TRAPPC10: variants seen among roughly 807,000 people sequenced by gnomAD.
TRAPPC10 encodes the protein trafficking protein particle complex subunit 10.
Under a neutral mutation model 125.5 loss-of-function variants are expected in TRAPPC10, and 23 were observed. The ratio of observed to expected loss-of-function variants is 0.18; its 90% CI spans 0.13 to 0.26. The LOEUF (loss-of-function observed/expected upper bound fraction) is 0.26. Among genes scored for constraint, TRAPPC10 ranks in the 10% least tolerant of loss-of-function variants. The probability of loss-of-function intolerance (pLI) is 1.00; values close to 1 mark genes in which losing one functional copy is unlikely to be tolerated. For synonymous variants in TRAPPC10, 509 were observed against 518.0 expected (o/e 0.98, Z 0.24); for missense variants, 1,123 against 1,308.4 (o/e 0.86, Z 2.19).
chr21:44,026,881 A>G (rs187790377), intron 1 of TRAPPC10, among the ~76,000 whole-genome samples: 26 of 152,294 alleles, frequency 1.7e-4, no homozygotes, highest in African/African-American at 5.8e-4. Context: ...CTCGTAGGCC[A>G]CAGCATTTCT....
intron 2 of TRAPPC10, among the ~76,000 whole-genome samples, chr21:44,036,755 C>T (rs1205897065): frequency 6.6e-6 from 1 of 152,078 alleles, no homozygotes; most frequent in Non-Finnish European, 1.5e-5. Context: ...GTTAAGGTGT[C>T]ACTTTTTAAA....
chr21:44,033,513 GA>G (rs1000661995), intron 2 of TRAPPC10, among the ~76,000 whole-genome samples: 2 of 150,236 alleles, frequency 1.3e-5, no homozygotes, highest in African/African-American at 2.4e-5. Context: ...TAGATAAAGG[GA>G]AAAAAAAAGT....
chr21:44,052,543 G>A (rs1270217813), intron 4 of TRAPPC10, 67 bp downstream of exon 4: 7 of 1,431,376 alleles, frequency 4.9e-6, no homozygotes, highest in Non-Finnish European at 5.7e-6. Flanking sequence ...CTGGCTTCCT[G>A]GGTAGTAATA....
At chr21:44,017,631 A>G (rs1638814843) in intron 1 of TRAPPC10, among the ~76,000 whole-genome samples, 1 of 152,162 alleles carries the variant, frequency 6.6e-6, no homozygotes, top group African/African-American at 2.4e-5. Flanking sequence ...AAATATTTTC[A>G]TCATTCTTCC....
At chr21:44,066,156 T>C (rs2036436392) in intron 7 of TRAPPC10, among the ~76,000 whole-genome samples, 1 of 152,222 alleles carries the variant, frequency 6.6e-6, no homozygotes, top group Admixed American at 6.5e-5. Context: ...GGGTGGCTTA[T>C]AAAACATGTC....
At chr21:44,066,474 A>G (rs2036458994) in intron 7 of TRAPPC10, among the ~76,000 whole-genome samples, 1 of 152,214 alleles carries the variant, frequency 6.6e-6, no homozygotes, top group Admixed American at 6.5e-5. Flanking sequence ...AAGTGAGGCC[A>G]GTTCTGCGTG....
intron 11 of TRAPPC10, among the ~76,000 whole-genome samples, chr21:44,078,732 G>A (rs2037459471): frequency 6.6e-6 from 1 of 152,232 alleles, no homozygotes; most frequent in Non-Finnish European, 1.5e-5. Context: ...GGCTTCTCGG[G>A]AAAGGGGAGG....
At chr21:44,085,455 G>C (rs1226922955) in intron 15 of TRAPPC10, among the ~76,000 whole-genome samples, 1 of 152,158 alleles carries the variant, frequency 6.6e-6, no homozygotes, top group Non-Finnish European at 1.5e-5. Flanking sequence ...AGCACTTTGG[G>C]AGGCCAAGGC....
At chr21:44,066,856 A>C (rs2036488356) in intron 7 of TRAPPC10, among the ~76,000 whole-genome samples, 1 of 152,252 alleles carries the variant, frequency 6.6e-6, no homozygotes, top group Non-Finnish European at 1.5e-5. Context: ...TTTGTCCTCC[A>C]GAAAGGTCTT....
Position 44,059,608 on chromosome 21 carries a change from A to G in TRAPPC10, c.790+394A>G, listed in dbSNP as rs550562409. The G allele has an allele frequency of 8.7e-5, 57 of 658,836 alleles. 1 individual carries two copies. In the South Asian group the frequency reaches 9.8e-4, roughly 11 times the overall value. 40.8% of individuals were successfully genotyped at this position (658,836 alleles called of 1,614,324 possible). The stretch of plus-strand genomic sequence containing the variant: ...CGAGTGCTCATTGCTGTGAACTTAT[A>G]AAATGCCCTTGGGTGTTCATCTTTC... On this transcript the variant is annotated intron_variant, in intron 6 of 22. Transcript: ENST00000291574. The surrounding 1 kb of genome is among the most constrained non-coding windows in gnomAD (Gnocchi z 4.4).
chr21:44,081,005 CTTTTTTTTTTTCTTTTTT>C (rs1293965877), intron 13 of TRAPPC10, among the ~76,000 whole-genome samples: 1 of 103,870 alleles, frequency 9.6e-6, no homozygotes, highest in South Asian at 2.8e-4. Context: ...TATTATTGTT[CTTTTTTTTTTTCTTTTTT>C]TTTTTTTTTT....
intron 4 of TRAPPC10, 22 bp from the exon 5 acceptor site, chr21:44,055,676 T>G: frequency 1.3e-6 from 2 of 1,565,878 alleles, no homozygotes; most frequent in Non-Finnish European, 8.7e-7. Context: ...CTTTCCCAGA[T>G]AGTCTGTTCA....
intron 1 of TRAPPC10, among the ~76,000 whole-genome samples, chr21:44,027,061 A>T (rs950874376): frequency 6.6e-6 from 1 of 152,230 alleles, no homozygotes; most frequent in Non-Finnish European, 1.5e-5. Context: ...ACAATTTAAG[A>T]TAAAGTGAGA....
At chr21:44,095,268 G>A (rs568761138) in intron 20 of TRAPPC10, among the ~76,000 whole-genome samples, 6 of 149,450 alleles carry the variant, frequency 4.0e-5, no homozygotes, top group South Asian at 4.2e-4. Context: ...TTTTCGAGAC[G>A]GAGTTTCACA....
rs899738290 is a variant in TRAPPC10 at position 44,061,298 on chromosome 21, G to A, written c.790+2084G>A. Among the ~76,000 whole-genome samples the A allele has an allele frequency of 4.1e-4, 62 of 152,142 alleles. 1 individual carries two copies. Among genetic ancestry groups the A allele is most frequent in the African/African-American group, 1.4e-3 (60 of 41,510 alleles). ...ACTACAGGTGCCCGCCACCAAGCCC[G>A]GCTAATTTTTTTTTGTATTTTTAGT... is the stretch of plus-strand genomic sequence containing the variant. On this transcript the variant is annotated intron_variant, in intron 6 of 22. Transcript: ENST00000291574.
At chr21:44,041,600 G>A (rs1276102178) in intron 3 of TRAPPC10, among the ~76,000 whole-genome samples, 2 of 152,122 alleles carry the variant, frequency 1.3e-5, no homozygotes, top group Non-Finnish European at 2.9e-5. Flanking sequence ...TCAAACTCCC[G>A]ACCTCAGGTG....
chr21:44,046,804 G>A (rs536216760), intron 3 of TRAPPC10: 9 of 547,370 alleles, frequency 1.6e-5, no homozygotes, highest in East Asian at 3.9e-5. Flanking sequence ...CACCGCACCC[G>A]GCCACCTTTA....
intron 1 of TRAPPC10, among the ~76,000 whole-genome samples, chr21:44,023,254 G>C (rs1013780267): frequency 1.3e-5 from 2 of 151,504 alleles, no homozygotes; most frequent in African/African-American, 4.9e-5. Context: ...GGATGGTCTC[G>C]ATCTCCTGAC....
intron 1 of TRAPPC10, among the ~76,000 whole-genome samples, chr21:44,025,531 T>C (rs2032956009): frequency 6.6e-6 from 1 of 152,248 alleles, no homozygotes; most frequent in South Asian, 2.1e-4. Context: ...CTCTTGAATT[T>C]TAAGTTTGCT....
Sources: allele counts gnomAD v4.1 joint callset (sites outside exome capture counted in the v4.1 genomes callset), GRCh38; gene constraint gnomAD v4.1.1; non-coding constraint Gnocchi (gnomAD v3.1); transcripts MANE v1.5; gene names NCBI Gene and HGNC (gene_info 2026-07-23, HGNC 2026-07-21).